The following FARS2 variants were observed in gnomAD, a reference collection of about 807,000 sequenced individuals.
FARS2 encodes phenylalanyl-tRNA synthetase 2, mitochondrial.
In FARS2, 40 loss-of-function variants were observed where a neutral mutation model predicts 46.4. The ratio of observed to expected loss-of-function variants is 0.86; its 90% CI spans 0.67 to 1.12. The LOEUF is 1.12. Ranked by LOEUF, FARS2 falls within the 50% of genes most tolerant of loss-of-function variation. The pLI is 0.00. For missense variants in FARS2, 513 were observed against 567.9 expected (o/e 0.90, Z 0.98); for synonymous variants, 234 against 214.9 (o/e 1.09, Z -0.78).
chr6:5,726,069 G>A (rs1353744801), intron 6 of FARS2, among the ~76,000 whole-genome samples: 2 of 152,194 alleles, frequency 1.3e-5, no homozygotes, highest in East Asian at 3.8e-4. Context: ...GTAGAGGCCT[G>A]ACTTTAAAAG....
chr6:5,374,345 T>C (rs1188885245), intron 2 of FARS2, among the ~76,000 whole-genome samples: 1 of 152,072 alleles, frequency 6.6e-6, no homozygotes, highest in African/African-American at 2.4e-5. Flanking sequence ...TGTAAGAAGA[T>C]ATCAGACAGT....
At chr6:5,450,878 C>T (rs921365499) in intron 4 of FARS2, among the ~76,000 whole-genome samples, 1 of 152,116 alleles carries the variant, frequency 6.6e-6, no homozygotes, top group African/African-American at 2.4e-5. Flanking sequence ...TCATTATTGC[C>T]GTGCCTCTCT....
At chr6:5,572,858 A>G (rs913895315) in intron 5 of FARS2, among the ~76,000 whole-genome samples, 36 of 152,098 alleles carry the variant, frequency 2.4e-4, no homozygotes, top group African/African-American at 8.2e-4. Context: ...GTAATAACCA[A>G]TGGACTGGTT....
At chr6:5,301,838 CACACACACAA>C (rs1768336754) in intron 1 of FARS2, among the ~76,000 whole-genome samples, 1 of 137,352 alleles carries the variant, frequency 7.3e-6, no homozygotes, top group Non-Finnish European at 1.5e-5. Context: ...CACACACACA[CACACACACAA>C]AGAAAATGGG....
At chr6:5,263,947 C>T (rs992254823) in intron 1 of FARS2, among the ~76,000 whole-genome samples, 1 of 152,202 alleles carries the variant, frequency 6.6e-6, no homozygotes, top group African/African-American at 2.4e-5. Flanking sequence ...CATGGTGGCT[C>T]ACACCTGTAA....
At chr6:5,464,818 C>T (rs1227724594) in intron 4 of FARS2, among the ~76,000 whole-genome samples, 1 of 152,112 alleles carries the variant, frequency 6.6e-6, no homozygotes, top group African/African-American at 2.4e-5. Flanking sequence ...AAATTGGCCT[C>T]CTTGGAGAGG....
chr6:5,359,688 T>C (rs1393074438), intron 1 of FARS2, among the ~76,000 whole-genome samples: 1 of 152,242 alleles, frequency 6.6e-6, no homozygotes, highest in Non-Finnish European at 1.5e-5. Context: ...GCCAAACTCT[T>C]ACTGATGGTT....
intron 1 of FARS2, among the ~76,000 whole-genome samples, chr6:5,341,235 A>ATATATATATTT (rs1561970178): frequency 3.9e-4 from 4 of 10,266 alleles, no homozygotes; most frequent in Non-Finnish European, 6.0e-4. Flanking sequence ...ATATATATAT[A>ATATATATATTT]TTTTTTTTTT....
intron 6 of FARS2, chr6:5,695,116 GAA>G (rs1412441547): frequency 2.0e-5 from 3 of 152,338 alleles, no homozygotes; most frequent in African/African-American, 7.2e-5. Context: ...TCATTCTCAT[GAA>G]AGTTAAGGTG....
At chr6:5,410,119 T>G (rs1358364033) in intron 3 of FARS2, among the ~76,000 whole-genome samples, 2 of 151,766 alleles carry the variant, frequency 1.3e-5, no homozygotes, top group Admixed American at 1.3e-4. Flanking sequence ...TCTTCTGAAC[T>G]CTGAAGAAAA....
At chr6:5,563,073 T>C (rs1772103227) in intron 5 of FARS2, among the ~76,000 whole-genome samples, 1 of 144,810 alleles carries the variant, frequency 6.9e-6, no homozygotes, top group African/African-American at 2.6e-5. Context: ...AGCTCCCCCG[T>C]ACAGAGACAG....
chr6:5,760,344 C>T (rs1762418164), intron 6 of FARS2, among the ~76,000 whole-genome samples: 1 of 152,198 alleles, frequency 6.6e-6, no homozygotes, highest in South Asian at 2.1e-4. Flanking sequence ...ATGGTAATCT[C>T]ATGTCCTCTG....
At chr6:5,314,517 C>T (rs1280786133) in intron 1 of FARS2, among the ~76,000 whole-genome samples, 2 of 152,296 alleles carry the variant, frequency 1.3e-5, no homozygotes, top group African/African-American at 4.8e-5. Context: ...TGAGAAAATC[C>T]GTCAGTTGTT....
chr6:5,554,847 G>GAGACCCCGT (rs1167402884), intron 5 of FARS2, among the ~76,000 whole-genome samples: 2 of 151,564 alleles, frequency 1.3e-5, no homozygotes, highest in African/African-American at 4.9e-5. Flanking sequence ...GAACTAGTAA[G>GAGACCCCGT]CTGTTACTGT....
intron 4 of FARS2, chr6:5,431,745 G>C (rs1388784855): frequency 7.7e-6 from 4 of 522,636 alleles, no homozygotes; most frequent in Non-Finnish European, 1.6e-5. Flanking sequence ...AGGCATTTCA[G>C]AAAGATCTGT....
chr6:5,618,059 T>G (rs999386233), intron 6 of FARS2, among the ~76,000 whole-genome samples: 1 of 152,214 alleles, frequency 6.6e-6, no homozygotes, highest in African/African-American at 2.4e-5. Flanking sequence ...AGTCTGCAAG[T>G]GCAAAAGCAG....
intron 6 of FARS2, among the ~76,000 whole-genome samples, chr6:5,622,036 G>A (rs1375641486): frequency 6.6e-6 from 1 of 152,256 alleles, no homozygotes; most frequent in Non-Finnish European, 1.5e-5. Context: ...TAGCCTGACT[G>A]ACTGAGCTAA....
chr6:5,316,715 C>T (rs1240635854), intron 1 of FARS2, among the ~76,000 whole-genome samples: 1 of 152,186 alleles, frequency 6.6e-6, no homozygotes, highest in Non-Finnish European at 1.5e-5. Context: ...ATTTTACTTC[C>T]AGGAGTCTCA....
intron 6 of FARS2, among the ~76,000 whole-genome samples, chr6:5,629,094 CT>C (rs1234977667): frequency 1.3e-5 from 2 of 152,332 alleles, no homozygotes; most frequent in East Asian, 3.9e-4. Context: ...TGTAACACAT[CT>C]GTTCCAGGGA....
Sources: gnomAD v4.1 joint callset for allele counts (sites outside exome capture counted in the v4.1 genomes callset) on GRCh38, gnomAD v4.1.1 for gene constraint, MANE v1.5 for transcripts, NCBI Gene and HGNC (gene_info 2026-07-23, HGNC 2026-07-21) for gene names.